HDAC1: variants seen among roughly 807,000 people sequenced by gnomAD.
HDAC1 encodes the protein protein deacetylase HDAC1.
Under a neutral mutation model 65.5 loss-of-function variants are expected in HDAC1, and 18 were observed. That is an observed-to-expected ratio of 0.27 (90% CI 0.19 to 0.41). The LOEUF (loss-of-function observed/expected upper bound fraction) is 0.41. Among genes scored for constraint, HDAC1 ranks in the 10% least tolerant of loss-of-function variants. HDAC1 has a pLI of 1.00. For synonymous variants in HDAC1, 211 were observed against 227.9 expected (o/e 0.93, Z 0.67); for missense variants, 373 against 625.2 (o/e 0.60, Z 4.30).
chr1:32,318,859 C>T (rs1641100015), intron 3 of HDAC1, among the ~76,000 whole-genome samples: 2 of 152,144 alleles, frequency 1.3e-5, no homozygotes. Context: ...TGGCTTACGC[C>T]TGTAATCCCA....
rs1446827139 is a variant in HDAC1 at position 32,332,036 on chromosome 1, G to A, written c.1220-54G>A. ...CAGGGAAGCACTGGGCATAGATGCTGAGCTAAATCAGCACCCGCCTGCCCT... is the reference window on the plus strand; with the variant it reads ...CAGGGAAGCACTGGGCATAGATGCTAAGCTAAATCAGCACCCGCCTGCCCT... On this transcript the variant is annotated intron_variant, in intron 11 of 13. Coordinates refer to ENST00000373548, the MANE Select transcript of HDAC1 (RefSeq NM_004964.3). 3.1e-5 allele frequency: 46 copies of A among 1,502,306 alleles called. No homozygotes were observed. The East Asian group carries it at 4.1e-4, about 13-fold the overall frequency. 93.1% of individuals were successfully genotyped at this position (1,502,306 alleles called of 1,614,324 possible). A position where few individuals can be genotyped will look rare whatever the true frequency, so the allele number is the denominator to read the frequency against.
rs543573667 is a variant in HDAC1, at chr1:32,322,479, G to C, written c.281-2000G>C. ...AGACGGGGTTTCTCCATGTTGGCCA[G>C]GCTAGTCTTGAACTCGTGACCTCAA... On this transcript the variant is annotated intron_variant, in intron 3 of 13. Coordinates refer to ENST00000373548, the MANE Select transcript of HDAC1 (RefSeq NM_004964.3). Among the ~76,000 whole-genome samples the C allele has an allele frequency of 3.4e-4, 51 of 152,222 alleles. No homozygotes were observed. The South Asian group carries it at 0.01, about 31-fold the overall frequency.
In HDAC1 at chr1:32,331,885, TC is replaced by T; in HGVS notation, c.1219+82del. The T allele has an allele frequency of 2.0e-6, 3 of 1,512,248 alleles. No homozygotes were observed. Among genetic ancestry groups the T allele is most frequent in the Non-Finnish European group, 2.7e-6 (3 of 1,119,468 alleles). 93.7% of individuals were successfully genotyped at this position (1,512,248 alleles called of 1,614,324 possible). ...TCCACCACCATTCCTGGCTGCACAC[TC>T]CCTCCAAGCTCCCCACCTGTAGAGA... On this transcript the variant is annotated intron_variant, in intron 11 of 13. Coordinates refer to ENST00000373548, the MANE Select transcript of HDAC1 (RefSeq NM_004964.3). The surrounding 1 kb of genome is among the most constrained non-coding windows in gnomAD (Gnocchi z 4.2).
chr1:32,316,563 C>A, intron 2 of HDAC1, 102 bp from the exon 3 acceptor site: 1 of 703,334 alleles, frequency 1.4e-6, no homozygotes, highest in Non-Finnish European at 2.6e-6. Context: ...TTCTTTATAG[C>A]ACCTAGCTCC....
chr1:32,325,208 G>C (rs770403624), intron 4 of HDAC1, among the ~76,000 whole-genome samples: 19 of 152,188 alleles, frequency 1.2e-4, no homozygotes, highest in Non-Finnish European at 2.1e-4. Context: ...CTATGAAAAA[G>C]TATGGTAATT....
intron 3 of HDAC1, among the ~76,000 whole-genome samples, chr1:32,318,662 T>C (rs1641097229): frequency 6.6e-6 from 1 of 152,202 alleles, no homozygotes; most frequent in Non-Finnish European, 1.5e-5. Context: ...GAATTGCTTT[T>C]GCTATTTTTG....
intron 2 of HDAC1, among the ~76,000 whole-genome samples, chr1:32,306,637 C>A (rs1640915043): frequency 6.6e-6 from 1 of 152,080 alleles, no homozygotes; most frequent in African/African-American, 2.4e-5. Flanking sequence ...CACTAATTCA[C>A]CAAGGTCTAT....
In HDAC1 at chr1:32,295,489, A is replaced by G. The variant is rs952828010; in HGVS notation, c.49+3271A>G. ...GAAAGTCCAAGATCAGGGTGCCAGC[A>G]TTTGGTGTCTGGTGAGGGTCTGGTC... is the stretch of plus-strand genomic sequence containing the variant. On this transcript the variant is annotated intron_variant, in intron 1 of 13. Coordinates refer to ENST00000373548, the MANE Select transcript of HDAC1 (RefSeq NM_004964.3). Among the ~76,000 whole-genome samples the G allele has an allele frequency of 2.0e-5, 3 of 152,094 alleles. 1 individual carries two copies. The highest frequency in any genetic ancestry group is 4.4e-5 in the Non-Finnish European group (3 of 68,022).
In HDAC1 at chr1:32,316,746, G is replaced by C; in HGVS notation, c.244G>C (p.Asp82His). 4 of 1,613,326 alleles carry C rather than the reference G, an allele frequency of 2.5e-6. No homozygotes were observed. Among genetic ancestry groups the C allele is most frequent in the Non-Finnish European group, 3.4e-6 (4 of 1,179,282 alleles). The change falls in exon 3 of 14, where the codon GAT (aspartate) becomes CAT (histidine). Residue 82 changes from aspartate to histidine, a missense_variant. Physicochemically the swap from Asp to His is moderately conservative, Grantham distance 81. This residue lies in a region of HDAC1 where 80 missense variants were observed against 126.3 expected (regional missense o/e 0.63). Coordinates refer to ENST00000373548, the MANE Select transcript of HDAC1 (RefSeq NM_004964.3). Reference protein sequence around the residue: ...YIKFLRSIRPDNMSEYSKQMQ... With the variant: ...YIKFLRSIRPHNMSEYSKQMQ... ...TAAATTCTTGCGCTCCATCCGTCCAGATAACATGTCGGAGTACAGCAAGCA... is the reference window on the plus strand; with the variant it reads ...TAAATTCTTGCGCTCCATCCGTCCACATAACATGTCGGAGTACAGCAAGCA...
chr1:32,302,734 G>A lies in HDAC1; in HGVS notation c.162+1G>A. 1 of 1,411,964 alleles carries A rather than the reference G, an allele frequency of 7.1e-7. No homozygotes were observed. 87.5% of individuals were successfully genotyped at this position (1,411,964 alleles called of 1,614,324 possible). Reference sequence around the variant, plus strand: ...TCTCTACCGAAAAATGGAAATCTATGTGAGTTACCAGAGGTGCTACCGCTC... The same window carrying A: ...TCTCTACCGAAAAATGGAAATCTATATGAGTTACCAGAGGTGCTACCGCTC... On this transcript the variant is annotated splice_donor_variant, in intron 2 of 13. Transcript: ENST00000373548. LOFTEE classifies it high-confidence loss of function.
intron 2 of HDAC1, among the ~76,000 whole-genome samples, chr1:32,311,238 C>G (rs1049425415): frequency 1.3e-5 from 2 of 152,072 alleles, no homozygotes; most frequent in African/African-American, 4.8e-5. Context: ...GAAGCCAAGG[C>G]CAGCAGATCA....
At chr1:32,317,079 A>G (rs1341672468) in intron 3 of HDAC1, among the ~76,000 whole-genome samples, 1 of 152,216 alleles carries the variant, frequency 6.6e-6, no homozygotes, top group Non-Finnish European at 1.5e-5. Flanking sequence ...ATACAGTAAA[A>G]TTTAACTCTA....
intron 1 of HDAC1, chr1:32,292,499 A>T (rs1640711067): frequency 1.1e-6 from 1 of 927,596 alleles, no homozygotes; most frequent in African/African-American, 1.8e-5. Flanking sequence ...GGACTCCTAG[A>T]GGGGAGGGTG....
intron 3 of HDAC1, among the ~76,000 whole-genome samples, chr1:32,319,482 C>A (rs1278797371): frequency 6.6e-6 from 1 of 152,094 alleles, no homozygotes; most frequent in Non-Finnish European, 1.5e-5. Flanking sequence ...TATTTTTATT[C>A]TTGTTTTTAG....
chr1:32,321,913 T>C (rs189346265), intron 3 of HDAC1, among the ~76,000 whole-genome samples: 143 of 152,168 alleles, frequency 9.4e-4, no homozygotes, highest in Non-Finnish European at 1.7e-3. Context: ...AAAGTTCTTA[T>C]TTACACAGCC....
chr1:32,306,805 T>C (rs1640916869), intron 2 of HDAC1, among the ~76,000 whole-genome samples: 1 of 152,120 alleles, frequency 6.6e-6, no homozygotes, highest in African/African-American at 2.4e-5. Flanking sequence ...AAACCATGGA[T>C]AGTACTGTAT....
chr1:32,332,326 G>A (rs1257050128), intron 12 of HDAC1, 84 bp downstream of exon 12: 8 of 1,295,522 alleles, frequency 6.2e-6, no homozygotes, highest in Non-Finnish European at 8.6e-6. Flanking sequence ...GAGTGACTCA[G>A]GCCCTGCCAG....
At chr1:32,320,124 G>GCAC (rs1181924263) in intron 3 of HDAC1, among the ~76,000 whole-genome samples, 5 of 151,904 alleles carry the variant, frequency 3.3e-5, no homozygotes, top group Non-Finnish European at 7.4e-5. Flanking sequence ...GGAGGCTGAG[G>GCAC]CACCAGAATG....
Position 32,327,788 on chromosome 1 carries a change from T to TCA in HDAC1, c.636+111_636+112insCA. ...TTCTTGCCTCTTCTGCCAATCAGAATACCACATCCCAATCTGAAGCACTTG... is the reference window on the plus strand; with the variant it reads ...TTCTTGCCTCTTCTGCCAATCAGAATCAACCACATCCCAATCTGAAGCACTTG... On this transcript the variant is annotated intron_variant, in intron 6 of 13. Transcript: ENST00000373548. This position sits in a 1 kb window ranked among gnomAD's most constrained non-coding sequence, Gnocchi z 6.0. The TCA allele has an allele frequency of 1.2e-6, 1 of 865,190 alleles. No homozygotes were observed. Among genetic ancestry groups the TCA allele is most frequent in the Non-Finnish European group, 1.9e-6 (1 of 519,682 alleles). 53.6% of individuals were successfully genotyped at this position (865,190 alleles called of 1,614,324 possible). A position where few individuals can be genotyped will look rare whatever the true frequency, so the allele number is the denominator to read the frequency against.
Sources: allele counts gnomAD v4.1 joint callset (sites outside exome capture counted in the v4.1 genomes callset), GRCh38; gene constraint gnomAD v4.1.1; regional missense constraint gnomAD v4.1.1; non-coding constraint Gnocchi (gnomAD v3.1); transcripts MANE v1.5; gene names NCBI Gene and HGNC (gene_info 2026-07-23, HGNC 2026-07-21).